VKORC1L1: variants seen among roughly 807,000 people sequenced by gnomAD.
The protein encoded by VKORC1L1 is vitamin K epoxide reductase complex subunit 1L1, also known as vitamin K epoxide reductase complex subunit 1-like protein 1.
In VKORC1L1, 2 loss-of-function variants were observed where a neutral mutation model predicts 18.9. That is an observed-to-expected ratio of 0.11 (90% CI 0.04 to 0.33). The LOEUF is 0.33. Among genes scored for constraint, VKORC1L1 ranks in the 10% least tolerant of loss-of-function variants. VKORC1L1 has a pLI of 1.00. For synonymous variants in VKORC1L1, 96 were observed against 100.0 expected (o/e 0.96, Z 0.24); for missense variants, 123 against 224.1 (o/e 0.55, Z 2.88).
At chr7:65,888,764 AGT>A (rs780785906) in intron 1 of VKORC1L1, among the ~76,000 whole-genome samples, 127 of 152,322 alleles carry the variant, frequency 8.3e-4, no homozygotes, top group Non-Finnish European at 1.6e-3. Context: ...AGACCCAATC[AGT>A]GTTCTCACAT....
intron 1 of VKORC1L1, among the ~76,000 whole-genome samples, chr7:65,895,453 G>GA (rs1167891625): frequency 4.9e-4 from 13 of 26,666 alleles, no homozygotes; most frequent in South Asian, 2.9e-3. Context: ...CCATCTGTGA[G>GA]AAAAAAAAAA....
chr7:65,929,545 G>A (rs1462362343), intron 1 of VKORC1L1, among the ~76,000 whole-genome samples: 3 of 151,692 alleles, frequency 2.0e-5, no homozygotes, highest in African/African-American at 4.8e-5. Context: ...GTTAGTATGT[G>A]TTCACCAACT....
chr7:65,909,152 T>C (rs1460196375), intron 1 of VKORC1L1, among the ~76,000 whole-genome samples: 4 of 148,558 alleles, frequency 2.7e-5, no homozygotes, highest in Non-Finnish European at 6.0e-5. Context: ...TAATTTTTTT[T>C]TTTTTTTTTT....
At chr7:65,908,422 A>G (rs1278282580) in intron 1 of VKORC1L1, among the ~76,000 whole-genome samples, 1 of 152,046 alleles carries the variant, frequency 6.6e-6, no homozygotes, top group Non-Finnish European at 1.5e-5. Context: ...CAAAAGAAGA[A>G]GAACAGAGAT....
the VKORC1L1 span, among the ~76,000 whole-genome samples, chr7:65,866,539 A>G: frequency 1.3e-5 from 2 of 152,340 alleles, no homozygotes; most frequent in South Asian, 2.1e-4. Context: ...CAGGACCTGC[A>G]GCAGCCACAC....
rs369737053 is a variant in VKORC1L1, at chr7:65,926,331, GTTT to G, written c.195-22338_195-22336del. On this transcript the variant is annotated intron_variant, in intron 1 of 2. Coordinates refer to ENST00000360768, the MANE Select transcript of VKORC1L1 (RefSeq NM_173517.6). Reference sequence around the variant, plus strand: ...CCACCACGCCCAGCTAATTTTTGTAGTTTTAGTAGAGACGGGGTTTCACCATAT... The same window carrying G: ...CCACCACGCCCAGCTAATTTTTGTAGTAGTAGAGACGGGGTTTCACCATAT... Among the ~76,000 whole-genome samples the G allele has an allele frequency of 5.3e-4, 81 of 151,984 alleles. 1 individual carries two copies. Among genetic ancestry groups the G allele is most frequent in the African/African-American group, 2.0e-3 (81 of 41,466 alleles).
intron 1 of VKORC1L1, among the ~76,000 whole-genome samples, chr7:65,929,054 A>G (rs1256142421): frequency 2.0e-5 from 3 of 152,124 alleles, no homozygotes; most frequent in Non-Finnish European, 4.4e-5. Context: ...GTTTGTTTAA[A>G]TCTTTTGCCT....
chr7:65,954,554 T>C lies in VKORC1L1; in HGVS notation c.*254T>C. ...CAAGCTTTAACTTTACTTTGAAGTG[T>C]TTCTGAAATGATAAAATGTAGCCCT... On this transcript the variant is annotated 3_prime_UTR_variant, in exon 3 of 3. Coordinates refer to ENST00000360768, the MANE Select transcript of VKORC1L1 (RefSeq NM_173517.6). 1 of 610,434 alleles carries C rather than the reference T, an allele frequency of 1.6e-6. No individual in the cohort carries two copies. The highest frequency in any genetic ancestry group is 2.6e-6 in the Non-Finnish European group (1 of 390,722). The allele number at this position is 610,434 out of a possible 1,614,324, so 37.8% of individuals were successfully genotyped here. A position where few individuals can be genotyped will look rare whatever the true frequency, so the allele number is the denominator to read the frequency against.
chr7:65,942,550 T>C (rs1225267675), intron 1 of VKORC1L1, among the ~76,000 whole-genome samples: 1 of 151,980 alleles, frequency 6.6e-6, no homozygotes, highest in East Asian at 1.9e-4. Flanking sequence ...TTTTTTTCTT[T>C]TAATCGAGAT....
rs1265484481 is a variant in VKORC1L1, at chr7:65,957,776, G to A, written c.*3476G>A. On this transcript the variant is annotated 3_prime_UTR_variant, in exon 3 of 3. Transcript: ENST00000360768. ...GAACCCAGTAGGTGGAGGTTGCAGTGAGCCACAGTTGCGCCATTGCACTCC... is the reference window on the plus strand; with the variant it reads ...GAACCCAGTAGGTGGAGGTTGCAGTAAGCCACAGTTGCGCCATTGCACTCC... The A allele has an allele frequency of 6.6e-6, 1 of 152,186 alleles. No homozygotes were observed. Among genetic ancestry groups the A allele is most frequent in the Non-Finnish European group, 1.5e-5 (1 of 68,038 alleles). The allele number at this position is 152,186 out of a possible 1,614,324, so 9.4% of individuals were successfully genotyped here. A position where few individuals can be genotyped will look rare whatever the true frequency, so the allele number is the denominator to read the frequency against.
chr7:65,913,265 T>C (rs898366036), intron 1 of VKORC1L1, among the ~76,000 whole-genome samples: 1 of 152,200 alleles, frequency 6.6e-6, no homozygotes, highest in Admixed American at 6.6e-5. Context: ...TCTGGGAACG[T>C]TCCTGGTTCC....
chr7:65,897,783 T>A (rs952106099), intron 1 of VKORC1L1, among the ~76,000 whole-genome samples: 27 of 152,020 alleles, frequency 1.8e-4, no homozygotes, highest in Non-Finnish European at 7.4e-5. Flanking sequence ...TGTACTGTTC[T>A]GAATGTATGC....
chr7:65,913,310 T>C, intron 1 of VKORC1L1, among the ~76,000 whole-genome samples: 1 of 152,192 alleles, frequency 6.6e-6, no homozygotes, highest in East Asian at 1.9e-4. Flanking sequence ...CCTTTGTTTT[T>C]TTCATGTAAC....
intron 1 of VKORC1L1, among the ~76,000 whole-genome samples, chr7:65,905,335 G>C (rs1395654031): frequency 1.3e-5 from 2 of 151,354 alleles, no homozygotes; most frequent in African/African-American, 4.9e-5. Context: ...TTTTGAGATG[G>C]AGTCTCGCTC....
rs370757188 is a variant in VKORC1L1, at chr7:65,913,743, G to A, written c.195-34928G>A. On this transcript the variant is annotated intron_variant, in intron 1 of 2. Transcript: ENST00000360768. ...CTCTGTCTCAAAAAAAAAAAAAAAA[G>A]GGAGGGGGGTGGGGGTGAGATGTGG... Among the ~76,000 whole-genome samples the A allele has an allele frequency of 8.1e-5, 6 of 73,982 alleles. No homozygotes were observed. The East Asian group carries it at 2.8e-3, about 35-fold the overall frequency. The allele number at this position is 73,982 out of a possible 152,430, so 48.5% of individuals were successfully genotyped here.
At chr7:65,887,464 A>G (rs1460898748) in intron 1 of VKORC1L1, among the ~76,000 whole-genome samples, 1 of 151,896 alleles carries the variant, frequency 6.6e-6, no homozygotes. Flanking sequence ...AGGTTCTGAA[A>G]TCAAGGTTTG....
intron 1 of VKORC1L1, among the ~76,000 whole-genome samples, chr7:65,935,053 C>CAA (rs551047338): frequency 1.2e-4 from 7 of 58,414 alleles, no homozygotes; most frequent in Non-Finnish European, 1.5e-4. Context: ...GATTACATCT[C>CAA]AAAAAAAAAA....
chr7:65,950,917 T>A (rs1790202102), intron 2 of VKORC1L1, among the ~76,000 whole-genome samples: 2 of 152,190 alleles, frequency 1.3e-5, no homozygotes, highest in Non-Finnish European at 2.9e-5. Context: ...TAGAGAAGAA[T>A]ATGAAGTATA....
intron 1 of VKORC1L1, among the ~76,000 whole-genome samples, chr7:65,917,298 C>T (rs1789605006): frequency 6.6e-6 from 1 of 152,142 alleles, no homozygotes; most frequent in African/African-American, 2.4e-5. Flanking sequence ...CTTCATTGTT[C>T]TTCTAGGTTT....
Sources: allele counts gnomAD v4.1 joint callset (sites outside exome capture counted in the v4.1 genomes callset), GRCh38; gene constraint gnomAD v4.1.1; transcripts MANE v1.5; gene names NCBI Gene and HGNC (gene_info 2026-07-23, HGNC 2026-07-21).